Variants in AP3B2 observed in about 807,000 individuals in gnomAD.
AP3B2 encodes adaptor related protein complex 3 subunit beta 2.
AP3B2 carries 50 observed loss-of-function variants against 126.9 expected under a neutral mutation model. The observed-to-expected ratio is 0.39, with a 90% CI of 0.31 to 0.50. The LOEUF is 0.50. Among genes scored for constraint, AP3B2 ranks in the 20% least tolerant of loss-of-function variants. The pLI, the probability that AP3B2 is intolerant of heterozygous loss-of-function variation, is 0.79. For synonymous variants in AP3B2, 541 were observed against 565.0 expected, an observed-to-expected ratio of 0.96 and a Z score of 0.60; for missense variants, 1,177 against 1,426.4, an observed-to-expected ratio of 0.83 and a Z score of 2.82.
intron 21 of AP3B2, 96 bp from the exon 22 acceptor site, chr15:82,663,329 G>A (rs1267785341): frequency 9.2e-7 from 1 of 1,085,530 alleles, no homozygotes; most frequent in Non-Finnish European, 1.4e-6. Context: ...TCAGCACCAT[G>A]GACAGCGGGG....
chr15:82,664,932 C>A lies in AP3B2; in HGVS notation c.2040G>T (p.Trp680Cys). The change falls in exon 18 of 27, where the codon TGG (tryptophan) becomes TGT (cysteine). Residue 680 changes from tryptophan (W) to cysteine (C), a missense_variant. Trp to Cys is a radical substitution (Grantham distance 215). This residue lies in a region of AP3B2 where 587 missense variants were observed against 571.3 expected (regional missense o/e 1.03). Coordinates refer to ENST00000535359, the MANE Select transcript of AP3B2 (RefSeq NM_001278512.2). The surrounding 1 kb of genome is among the most constrained non-coding windows in gnomAD (Gnocchi z 4.5). ...TCTTCTCCCGATTTGAGCACTTGGT[C>A]CATTCAGGTACCTGGAGATGGGGGT... is the stretch of plus-strand genomic sequence containing the variant. The part of the protein sequence containing the change: ...LLGEYTEVPE[W>C]TKCSNREKRK... 6.2e-7 allele frequency: 1 copy of A among 1,606,994 alleles called. No individual in the cohort carries two copies. The highest frequency in any genetic ancestry group is 1.1e-5 in the South Asian group (1 of 89,280).
At chr15:82,674,994 T>A (rs2048220405) in intron 14 of AP3B2, among the ~76,000 whole-genome samples, 1 of 152,182 alleles carries the variant, frequency 6.6e-6, no homozygotes, top group East Asian at 1.9e-4. Flanking sequence ...ATGTCAAGAC[T>A]CCCACCTACC....
At chr15:82,684,043 C>G (rs143472860) in intron 4 of AP3B2, among the ~76,000 whole-genome samples, 1 of 152,224 alleles carries the variant, frequency 6.6e-6, no homozygotes, top group African/African-American at 2.4e-5. Flanking sequence ...CAGAGGAGAT[C>G]TGCCATAATT....
rs1017632680 is a variant in AP3B2 at position 82,662,012 on chromosome 15, G to A, written c.2919-90C>T. On this transcript the variant is annotated intron_variant, in intron 24 of 26. Coordinates refer to ENST00000535359, the MANE Select transcript of AP3B2 (RefSeq NM_001278512.2). ...TGTGTAGAGGCACAGCTTGGAGGCA[G>A]TGAAAGAGTGAGGTCAGGAATGAGG... The A allele has an allele frequency of 3.6e-6, 5 of 1,370,684 alleles. No individual in the cohort carries two copies. The African/African-American group carries it at 7.2e-5, about 20-fold the overall frequency. 84.9% of individuals were successfully genotyped at this position (1,370,684 alleles called of 1,614,324 possible).
At chr15:82,676,884 G>T (rs2048251410) in intron 13 of AP3B2, among the ~76,000 whole-genome samples, 1 of 152,194 alleles carries the variant, frequency 6.6e-6, no homozygotes, top group Admixed American at 6.5e-5. Flanking sequence ...CAGTCATGAT[G>T]TAAAAGATTG....
In AP3B2 at chr15:82,659,462, A is replaced by C; in HGVS notation, c.*98T>G. On this transcript the variant is annotated 3_prime_UTR_variant, in exon 27 of 27. Transcript: ENST00000535359. ...ACCCTGAATGCTATCTGGCATGAGG[A>C]GGATGATGAGAGAGAGAGAGAAAGA... The C allele has an allele frequency of 6.7e-7, 1 of 1,488,496 alleles. No homozygotes were observed. Among genetic ancestry groups the C allele is most frequent in the Non-Finnish European group, 9.2e-7 (1 of 1,090,474 alleles). The allele number at this position is 1,488,496 out of a possible 1,614,324, so 92.2% of individuals were successfully genotyped here.
intron 1 of AP3B2, among the ~76,000 whole-genome samples, chr15:82,702,459 GAATCACAAAAGA>G (rs2048733829): frequency 6.6e-6 from 1 of 152,128 alleles, no homozygotes; most frequent in Admixed American, 6.6e-5. Flanking sequence ...AGTAATTGAA[GAATCACAAAAGA>G]AGTGAAAATG....
intron 1 of AP3B2, among the ~76,000 whole-genome samples, chr15:82,701,096 A>G (rs1328582709): frequency 6.6e-6 from 1 of 151,340 alleles, no homozygotes; most frequent in Non-Finnish European, 1.5e-5. Context: ...CTTGATTTCA[A>G]GTGACCTGCC....
chr15:82,687,792 T>A (rs181341083), intron 4 of AP3B2: 2 of 152,254 alleles, frequency 1.3e-5, no homozygotes, highest in Admixed American at 6.5e-5. Context: ...CCTTTCACAA[T>A]CTCTCTCACA....
Position 82,665,631 on chromosome 15 carries a change from G to T in AP3B2, c.1853-56C>A. On this transcript the variant is annotated intron_variant, in intron 15 of 26. Transcript: ENST00000535359. This position sits in a 1 kb window ranked among gnomAD's most constrained non-coding sequence, Gnocchi z 4.4. ...GCAGCAGTGAGGGAAAGCTCTGGGAGCTGTTTTCCAGGTGGGGCTGGGTGG... is the reference window on the plus strand; with the variant it reads ...GCAGCAGTGAGGGAAAGCTCTGGGATCTGTTTTCCAGGTGGGGCTGGGTGG... The T allele has an allele frequency of 6.9e-7, 1 of 1,439,974 alleles. No homozygotes were observed. The highest frequency in any genetic ancestry group is 9.7e-7 in the Non-Finnish European group (1 of 1,029,650). 89.2% of individuals were successfully genotyped at this position (1,439,974 alleles called of 1,614,324 possible). A position where few individuals can be genotyped will look rare whatever the true frequency, so the allele number is the denominator to read the frequency against.
At chr15:82,709,235 C>T (rs972840797) in intron 1 of AP3B2, among the ~76,000 whole-genome samples, 1 of 152,132 alleles carries the variant, frequency 6.6e-6, no homozygotes, top group African/African-American at 2.4e-5. Context: ...ACCCCTCCCC[C>T]ACATTTTTGG....
intron 1 of AP3B2, among the ~76,000 whole-genome samples, chr15:82,702,187 G>A (rs2048728531): frequency 6.6e-6 from 1 of 152,006 alleles, no homozygotes; most frequent in South Asian, 2.1e-4. Context: ...CTCTCTCCTG[G>A]AACCCAAATC....
Position 82,680,800 on chromosome 15 carries a change from C to G in AP3B2, c.771+37G>C, listed in dbSNP as rs777145862. The G allele has an allele frequency of 1.2e-6, 2 of 1,610,380 alleles. No homozygotes were observed. The highest frequency in any genetic ancestry group is 1.7e-6 in the Non-Finnish European group (2 of 1,178,240). On this transcript the variant is annotated intron_variant, in intron 7 of 26. Coordinates refer to ENST00000535359, the MANE Select transcript of AP3B2 (RefSeq NM_001278512.2). The surrounding 1 kb of genome is among the most constrained non-coding windows in gnomAD (Gnocchi z 6.1). The stretch of plus-strand genomic sequence containing the variant: ...GGTCTGTGGGCGCCTCCCCGGGACA[C>G]ACTTCGGCCCGCTCTGCCTGGGCTG...
rs1339469637 is a variant in AP3B2, at chr15:82,681,306, C to A, written c.521+114G>T. On this transcript the variant is annotated intron_variant, in intron 5 of 26. Transcript: ENST00000535359. The surrounding 1 kb of genome is among the most constrained non-coding windows in gnomAD (Gnocchi z 4.0). ...CCTCCATCTCTGTCAGTCCCCCAAA[C>A]TACCCTCCTCAAACCCTCTGAGAAG... The A allele has an allele frequency of 6.5e-7, 1 of 1,534,332 alleles. No individual in the cohort carries two copies. Among genetic ancestry groups the A allele is most frequent in the Admixed American group, 1.9e-5 (1 of 53,006 alleles).
intron 1 of AP3B2, among the ~76,000 whole-genome samples, chr15:82,707,396 C>A (rs1034250715): frequency 1.3e-5 from 2 of 152,152 alleles, no homozygotes; most frequent in African/African-American, 4.8e-5. Flanking sequence ...TTTATTAGGC[C>A]CCAGTCTCAT....
chr15:82,661,637 C>T (rs756685776), intron 25 of AP3B2, among the ~76,000 whole-genome samples, 188 bp downstream of exon 25: 5 of 152,176 alleles, frequency 3.3e-5, no homozygotes, highest in East Asian at 1.9e-4. Context: ...CAGCCACAGT[C>T]GTGTTGTAAC....
intron 14 of AP3B2, among the ~76,000 whole-genome samples, chr15:82,676,073 A>G (rs1399544348): frequency 6.6e-6 from 1 of 152,096 alleles, no homozygotes; most frequent in Non-Finnish European, 1.5e-5. Context: ...CTGGCCAAGC[A>G]TTGTCAAGCT....
chr15:82,694,256 C>A (rs953014556), intron 1 of AP3B2, among the ~76,000 whole-genome samples: 3 of 152,052 alleles, frequency 2.0e-5, no homozygotes, highest in Admixed American at 6.5e-5. Flanking sequence ...TTGCCTCCTT[C>A]GGCCTCCCAA....
At chr15:82,663,695 C>G (rs139183948) in intron 20 of AP3B2, 75 bp from the exon 21 acceptor site, 2 of 1,609,886 alleles carry the variant, frequency 1.2e-6, no homozygotes, top group African/African-American at 2.7e-5. Context: ...TAGAAGATGT[C>G]ATGTTCTGTT....
Sources: allele counts gnomAD v4.1 joint callset (sites outside exome capture counted in the v4.1 genomes callset), GRCh38; gene constraint gnomAD v4.1.1; regional missense constraint gnomAD v4.1.1; non-coding constraint Gnocchi (gnomAD v3.1); transcripts MANE v1.5; gene names NCBI Gene and HGNC (gene_info 2026-07-23, HGNC 2026-07-21).